The following ARFGEF1 variants were observed in gnomAD, a reference collection of about 807,000 sequenced individuals.
ARFGEF1 encodes the protein brefeldin A-inhibited guanine nucleotide-exchange protein 1.
In ARFGEF1, 42 loss-of-function variants were observed where a neutral mutation model predicts 231.0. The ratio of observed to expected loss-of-function variants is 0.18; its 90% CI spans 0.14 to 0.24. ARFGEF1 has a LOEUF of 0.24. Ranked by LOEUF, ARFGEF1 falls within the 10% of genes least tolerant of loss-of-function variation. The pLI, the probability that ARFGEF1 is intolerant of heterozygous loss-of-function variation, is 1.00. For synonymous variants in ARFGEF1, 710 were observed against 732.3 expected (o/e 0.97, Z 0.49); for missense variants, 1,345 against 2,192.0 (o/e 0.61, Z 7.72).
chr8:67,256,959 T>C (rs1840474321), intron 17 of ARFGEF1, among the ~76,000 whole-genome samples: 1 of 152,146 alleles, frequency 6.6e-6, no homozygotes, highest in Admixed American at 6.6e-5. Context: ...TGCTTCAAAA[T>C]TATCTAGGGG....
chr8:67,207,436 C>CT (rs1838562280), intron 34 of ARFGEF1, among the ~76,000 whole-genome samples: 1 of 152,294 alleles, frequency 6.6e-6, no homozygotes, highest in East Asian at 1.9e-4. Context: ...TTCTCGTGCC[C>CT]TTTGAGACCT....
At chr8:67,276,403 C>G (rs1805315752) in intron 8 of ARFGEF1, among the ~76,000 whole-genome samples, 2 of 152,100 alleles carry the variant, frequency 1.3e-5, no homozygotes, top group South Asian at 4.1e-4. Flanking sequence ...ATATATCATG[C>G]CTGACAAGAT....
chr8:67,211,300 C>T (rs538752514), intron 34 of ARFGEF1, among the ~76,000 whole-genome samples, 183 bp downstream of exon 34: 11 of 138,732 alleles, frequency 7.9e-5, no homozygotes, highest in East Asian at 4.3e-4. Flanking sequence ...GCTACGATGG[C>T]GTGCCACTGT....
downstream of ARFGEF1, among the ~76,000 whole-genome samples, chr8:67,194,013 C>A (rs1172896250): frequency 2.6e-5 from 4 of 152,178 alleles, no homozygotes; most frequent in African/African-American, 9.7e-5. Context: ...TTACCTTCTT[C>A]TTTGGCTTTC....
intron 6 of ARFGEF1, among the ~76,000 whole-genome samples, chr8:67,288,623 C>T (rs1036715058): frequency 7.2e-5 from 11 of 152,044 alleles, no homozygotes; most frequent in African/African-American, 2.4e-4. Context: ...ATCCCAGCTA[C>T]TCGGGAGGCT....
intron 5 of ARFGEF1, among the ~76,000 whole-genome samples, chr8:67,183,905 C>T (rs1346024934): frequency 2.4e-5 from 3 of 127,282 alleles, no homozygotes; most frequent in South Asian, 2.5e-4. Flanking sequence ...CAGGCTGGAG[C>T]GTGATGGCGT....
At chr8:67,324,208 C>T (rs111642963) in intron 1 of ARFGEF1, among the ~76,000 whole-genome samples, 4 of 152,112 alleles carry the variant, frequency 2.6e-5, no homozygotes, top group Admixed American at 6.5e-5. Flanking sequence ...GAAGGTGGGG[C>T]GCTTGAACAT....
chr8:67,196,415 CAGTA>C (rs1353766728), downstream of ARFGEF1, among the ~76,000 whole-genome samples: 2 of 152,104 alleles, frequency 1.3e-5, no homozygotes, highest in Non-Finnish European at 2.9e-5. Context: ...TCTAATCACT[CAGTA>C]AGTGATACTT....
At chr8:67,276,278 G>T (rs552376164) in intron 8 of ARFGEF1, among the ~76,000 whole-genome samples, 169 bp from the exon 9 acceptor site, 20 of 151,730 alleles carry the variant, frequency 1.3e-4, no homozygotes, top group Non-Finnish European at 2.8e-4. Flanking sequence ...TATACTCCAC[G>T]GACCACACCC....
rs552387991 is a variant in ARFGEF1 at position 67,244,954 on chromosome 8, A to T, written c.2851-4664T>A. ...ATAATTAAACTCACAAAGGTCAAAGATAAAGGATCCTAAAAGCAACAAGAG... is the reference window on the plus strand; with the variant it reads ...ATAATTAAACTCACAAAGGTCAAAGTTAAAGGATCCTAAAAGCAACAAGAG... On this transcript the variant is annotated intron_variant, in intron 19 of 38. Transcript: ENST00000262215. Among the ~76,000 whole-genome samples, 7 of 150,506 alleles carry T rather than the reference A, an allele frequency of 4.7e-5. 1 individual carries two copies. The highest frequency in any genetic ancestry group is 7.4e-5 in the Non-Finnish European group (5 of 67,872).
Position 67,271,877 on chromosome 8 carries a change from T to C in ARFGEF1, c.1397A>G (p.Asn466Ser). The change falls in exon 10 of 39, where the codon AAT becomes AGT. Residue 466 changes from asparagine to serine, a missense_variant. Around this residue, in one of 14 missense-constraint regions of ARFGEF1, gnomAD observed 141 missense variants for 259.9 expected, o/e 0.54. Transcript: ENST00000262215. ...SLQLLLSILQ[N>S]AGPIFRTNEM... ...ATTTGTCCTGAAAATAGGTCCTGCA[T>C]TCTGCAGAATGGATAGAAGTAACTG... The C allele has an allele frequency of 6.2e-7, 1 of 1,613,722 alleles. No individual in the cohort carries two copies. Among genetic ancestry groups the C allele is most frequent in the Non-Finnish European group, 8.5e-7 (1 of 1,179,814 alleles).
chr8:67,237,411 G>T (rs1036089019), intron 22 of ARFGEF1, among the ~76,000 whole-genome samples: 7 of 152,172 alleles, frequency 4.6e-5, no homozygotes, highest in African/African-American at 1.7e-4. Context: ...GCCATATCAT[G>T]GTCCTGGTTT....
At chr8:67,244,873 AG>A (rs1395133126) in intron 19 of ARFGEF1, among the ~76,000 whole-genome samples, 1 of 150,578 alleles carries the variant, frequency 6.6e-6, no homozygotes, top group Admixed American at 6.6e-5. Flanking sequence ...CAGTACAAGA[AG>A]GTTATAGAAC....
intron 5 of ARFGEF1, chr8:67,175,631 G>A: frequency 1.4e-6 from 1 of 700,396 alleles, no homozygotes; most frequent in South Asian, 1.5e-5. Flanking sequence ...CACTAGGGTG[G>A]TGTATTCATG....
At chr8:67,259,234 T>C (rs1044960832) in intron 15 of ARFGEF1, among the ~76,000 whole-genome samples, 1 of 152,212 alleles carries the variant, frequency 6.6e-6, no homozygotes, top group Non-Finnish European at 1.5e-5. Context: ...GACATCTTTC[T>C]GTTTGTTTTT....
intron 5 of ARFGEF1, among the ~76,000 whole-genome samples, chr8:67,189,598 T>C (rs1835642498): frequency 6.6e-6 from 1 of 152,184 alleles, no homozygotes; most frequent in Non-Finnish European, 1.5e-5. Context: ...TAAACAATGA[T>C]AGTGTTGTAT....
At position 67,198,614 on chromosome 8, in the gene ARFGEF1, T is replaced by A; in HGVS notation, c.*320A>T. Reference sequence around the variant, plus strand: ...GAAGTTCAATCTTTACATCTATAGTTCTTTGGGTAAGTTTCACTTCCACAC... The same window carrying A: ...GAAGTTCAATCTTTACATCTATAGTACTTTGGGTAAGTTTCACTTCCACAC... On this transcript the variant is annotated 3_prime_UTR_variant, in exon 39 of 39. Coordinates refer to ENST00000262215, the MANE Select transcript of ARFGEF1 (RefSeq NM_006421.5). 1 of 1,077,034 alleles carries A rather than the reference T, an allele frequency of 9.3e-7. No homozygotes were observed. Among genetic ancestry groups the A allele is most frequent in the Admixed American group, 5.1e-5 (1 of 19,432 alleles). 66.7% of individuals were successfully genotyped at this position (1,077,034 alleles called of 1,614,324 possible).
At chr8:67,213,118 C>A (rs1249388429) in intron 33 of ARFGEF1, among the ~76,000 whole-genome samples, 2 of 152,144 alleles carry the variant, frequency 1.3e-5, no homozygotes, top group Non-Finnish European at 2.9e-5. Context: ...ACGGGCCCAG[C>A]ATAGATGTCA....
At chr8:67,212,668 C>T (rs1270906544) in intron 33 of ARFGEF1, among the ~76,000 whole-genome samples, 1 of 152,128 alleles carries the variant, frequency 6.6e-6, no homozygotes, top group African/African-American at 2.4e-5. Context: ...ACAGTCCCAG[C>T]CTGAGCAACC....
Sources: gnomAD v4.1 joint callset for allele counts (sites outside exome capture counted in the v4.1 genomes callset) on GRCh38, gnomAD v4.1.1 for gene constraint, gnomAD v4.1.1 regional missense constraint, MANE v1.5 for transcripts, NCBI Gene and HGNC (gene_info 2026-07-23, HGNC 2026-07-21) for gene names.